Variants in PHF14 observed in about 807,000 individuals in gnomAD.
PHF14 encodes PHD finger protein 14.
In PHF14, 55 loss-of-function variants were observed where a neutral mutation model predicts 117.9. The ratio of observed to expected loss-of-function variants is 0.47; its 90% CI spans 0.38 to 0.58. PHF14 has a LOEUF of 0.58. Ranked by LOEUF, PHF14 falls within the 20% of genes least tolerant of loss-of-function variation. The pLI is 0.00. For missense variants in PHF14, 978 were observed against 1,122.2 expected (o/e 0.87, Z 1.84); for synonymous variants, 409 against 368.6 (o/e 1.11, Z -1.26).
intron 16 of PHF14, among the ~76,000 whole-genome samples, chr7:11,092,658 T>G (rs1029008188): frequency 1.3e-5 from 2 of 152,164 alleles, no homozygotes; most frequent in African/African-American, 4.8e-5. Context: ...TGCCCACATA[T>G]CACTCATCTA....
intron 16 of PHF14, chr7:11,062,739 A>G: frequency 3.0e-6 from 3 of 985,288 alleles, no homozygotes; most frequent in Non-Finnish European, 3.6e-6. Flanking sequence ...AGAGGCTGCT[A>G]ATTTTAGCGG....
intron 13 of PHF14, among the ~76,000 whole-genome samples, chr7:11,045,866 C>T (rs188157996): frequency 3.7e-4 from 56 of 152,274 alleles, no homozygotes; most frequent in Non-Finnish European, 5.9e-4. Context: ...TAACAACTTA[C>T]TGTGGAAAAA....
At chr7:11,125,213 A>G (rs564660394) in intron 17 of PHF14, among the ~76,000 whole-genome samples, 23 of 152,078 alleles carry the variant, frequency 1.5e-4, no homozygotes, top group Non-Finnish European at 2.9e-4. Context: ...ATTTTACCTC[A>G]GTCAAATCTT....
At chr7:11,168,879 G>A (rs556551730) in intron 17 of PHF14, among the ~76,000 whole-genome samples, 3 of 152,176 alleles carry the variant, frequency 2.0e-5, no homozygotes, top group African/African-American at 7.2e-5. Flanking sequence ...AACCTGCTAT[G>A]AATTATGAGG....
At chr7:11,163,003 T>C (rs925047859) in intron 17 of PHF14, among the ~76,000 whole-genome samples, 2 of 152,212 alleles carry the variant, frequency 1.3e-5, no homozygotes, top group African/African-American at 4.8e-5. Context: ...ATACATGAAA[T>C]TAGAAATTTG....
chr7:10,982,883 T>G lies in PHF14; in HGVS notation c.624T>G (p.Ser208Arg), dbSNP rs1309842415. 6.2e-7 allele frequency: 1 copy of G among 1,613,292 alleles called. No individual in the cohort carries two copies. Among genetic ancestry groups the G allele is most frequent in the Non-Finnish European group, 8.5e-7 (1 of 1,179,658 alleles). ...EELNDMDDYDSEDDNDWRPTV... is the reference protein window; with the variant it reads ...EELNDMDDYDREDDNDWRPTV... Reference sequence around the variant, plus strand: ...TGAATGACATGGATGACTATGACAGTGAGGATGACAATGATTGGCGACCTA... The same window carrying G: ...TGAATGACATGGATGACTATGACAGGGAGGATGACAATGATTGGCGACCTA... The change falls in exon 3 of 18, where the codon AGT becomes AGG. Residue 208 changes from serine (S) to arginine (R), a missense_variant. Ser to Arg is a moderately radical substitution (Grantham distance 110). Around this residue, in one of 7 missense-constraint regions of PHF14, gnomAD observed 414 missense variants for 376.4 expected, o/e 1.10. Transcript: ENST00000634607.
At chr7:11,010,168 T>C (rs1783294546) in intron 4 of PHF14, among the ~76,000 whole-genome samples, 1 of 152,156 alleles carries the variant, frequency 6.6e-6, no homozygotes. Context: ...TTTTCCCATG[T>C]GGTATTGCAT....
At chr7:11,036,873 TAA>T (rs1255064371) in intron 9 of PHF14, 110 bp from the exon 10 acceptor site, 1 of 950,376 alleles carries the variant, frequency 1.1e-6, no homozygotes, top group African/African-American at 1.7e-5. Flanking sequence ...TAAATATACT[TAA>T]AAGTTTTAAA....
At chr7:11,009,631 A>G (rs1410166661) in intron 4 of PHF14, among the ~76,000 whole-genome samples, 1 of 152,248 alleles carries the variant, frequency 6.6e-6, no homozygotes, top group Non-Finnish European at 1.5e-5. Flanking sequence ...TGGAGCAGAT[A>G]TACAGTGCTA....
At position 11,037,014 on chromosome 7, in the gene PHF14, G is replaced by C; in HGVS notation, c.1903G>C (p.Glu635Gln). ...ERNMRMIQIQ[E>Q]NMAEQKNIKD... ...AAATATGCGCATGATTCAAATTCAGGAAAATATGGCTGAACAAAAGAATAT... is the reference window on the plus strand; with the variant it reads ...AAATATGCGCATGATTCAAATTCAGCAAAATATGGCTGAACAAAAGAATAT... Residue 635 changes from glutamate to glutamine, a missense_variant, in exon 10 of 18, where the codon GAA (glutamate) becomes CAA (glutamine). Glu to Gln is a conservative substitution (Grantham distance 29, BLOSUM62 2). Coordinates refer to ENST00000634607, the MANE Select transcript of PHF14 (RefSeq NM_001007157.2). The C allele has an allele frequency of 6.6e-7, 1 of 1,516,358 alleles. No individual in the cohort carries two copies. Among genetic ancestry groups the C allele is most frequent in the Non-Finnish European group, 9.0e-7 (1 of 1,109,890 alleles). 93.9% of individuals were successfully genotyped at this position (1,516,358 alleles called of 1,614,324 possible).
chr7:11,167,792 G>T (rs1232737893), intron 17 of PHF14, among the ~76,000 whole-genome samples: 1 of 152,162 alleles, frequency 6.6e-6, no homozygotes, highest in East Asian at 1.9e-4. Flanking sequence ...ACTTTGGGAG[G>T]CTGAGGCGGG....
chr7:10,975,418 A>C (rs902753554), intron 2 of PHF14, among the ~76,000 whole-genome samples: 6 of 152,184 alleles, frequency 3.9e-5, no homozygotes, highest in African/African-American at 1.4e-4. Flanking sequence ...TTGCACTTCA[A>C]ATTATAGTAG....
At chr7:11,010,592 T>G (rs541093186) in intron 4 of PHF14, among the ~76,000 whole-genome samples, 2 of 152,166 alleles carry the variant, frequency 1.3e-5, no homozygotes, top group East Asian at 3.9e-4. Context: ...ATTAACTATA[T>G]TTAGCATAAC....
intron 17 of PHF14, among the ~76,000 whole-genome samples, chr7:11,151,690 C>T (rs1355332442): frequency 6.6e-6 from 1 of 152,072 alleles, no homozygotes; most frequent in Non-Finnish European, 1.5e-5. Context: ...TATCAATGTT[C>T]CCAAGACCCC....
rs1320797284 is a variant in PHF14 at position 11,051,746 on chromosome 7, C to T, written c.2447C>T (p.Pro816Leu). 19 of 1,613,338 alleles carry T rather than the reference C, an allele frequency of 1.2e-5. No homozygotes were observed. The highest frequency in any genetic ancestry group is 1.5e-5 in the Non-Finnish European group (18 of 1,179,598). The change falls in exon 14 of 18, where the codon CCA (proline) becomes CTA (leucine). Residue 816 changes from proline to leucine, a missense_variant. Physicochemically the swap from Pro to Leu is moderately conservative, Grantham distance 98 (BLOSUM62 -3). This residue lies in a region of PHF14 where 180 missense variants were observed against 195.4 expected (regional missense o/e 0.92). Transcript: ENST00000634607. ...EPVKFVPQDV[P>L]PEPKKIPIRN... ...GTGAAATTTGTTCCACAGGATGTGCCACCAGAACCCAAGAAGATTCCGATA... is the reference window on the plus strand; with the variant it reads ...GTGAAATTTGTTCCACAGGATGTGCTACCAGAACCCAAGAAGATTCCGATA...
In PHF14 at chr7:11,137,127, A is replaced by G. The variant is rs181790312; in HGVS notation, c.2772+25660A>G. 2.3e-3 allele frequency among the ~76,000 whole-genome samples: 348 copies of G among 152,352 alleles called. 1 individual carries two copies. Among genetic ancestry groups the G allele is most frequent in the African/African-American group, 7.9e-3 (329 of 41,588 alleles). ...AAGAAAATTTTATTCTTAAGATTTA[A>G]TCTCTCAGGTTTTCTTGGGTATCAC... On this transcript the variant is annotated intron_variant, in intron 17 of 17. Coordinates refer to ENST00000634607, the MANE Select transcript of PHF14 (RefSeq NM_001007157.2).
chr7:10,991,732 G>T lies in PHF14; in HGVS notation c.1045+885G>T, dbSNP rs200011297. On this transcript the variant is annotated intron_variant, in intron 4 of 17. Coordinates refer to ENST00000634607, the MANE Select transcript of PHF14 (RefSeq NM_001007157.2). The stretch of plus-strand genomic sequence containing the variant: ...TATTTTATGGTACTGTTTCTTGTTT[G>T]TTTTTTTTTAATTTTTTAATTTTTT... 0.013 allele frequency among the ~76,000 whole-genome samples: 1,817 copies of T among 136,838 alleles called. 109 individuals carry two copies. The East Asian group carries it at 0.16, about 12-fold the overall frequency. 89.8% of individuals were successfully genotyped at this position (136,838 alleles called of 152,430 possible). A position where few individuals can be genotyped will look rare whatever the true frequency, so the allele number is the denominator to read the frequency against.
intron 16 of PHF14, 114 bp downstream of exon 16, chr7:11,062,199 A>G (rs974027530): frequency 3.7e-6 from 3 of 818,102 alleles, no homozygotes; most frequent in Non-Finnish European, 5.5e-6. Context: ...AAAATATTAT[A>G]TAGTGGAAAC....
rs763403117 is a variant in PHF14 at position 11,169,448 on chromosome 7, A to G, written c.2805A>G (p.Ile935Met). 3.3e-6 allele frequency: 5 copies of G among 1,517,166 alleles called. No individual in the cohort carries two copies. Among genetic ancestry groups the G allele is most frequent in the Non-Finnish European group, 3.6e-6 (4 of 1,119,482 alleles). 94.0% of individuals were successfully genotyped at this position (1,517,166 alleles called of 1,614,324 possible). A position where few individuals can be genotyped will look rare whatever the true frequency, so the allele number is the denominator to read the frequency against. Reference sequence around the variant, plus strand: ...AAAATGAAGCTGAAAGAAAAAATATATCTCAGGAGCTCAACATGGAACAGA... The same window carrying G: ...AAAATGAAGCTGAAAGAAAAAATATGTCTCAGGAGCTCAACATGGAACAGA... ...EDENEAERKN[I>M]SQELNMEQKN... The change falls in exon 18 of 18, where the codon ATA becomes ATG. Residue 935 changes from isoleucine to methionine, a missense_variant. Around this residue, in one of 7 missense-constraint regions of PHF14, gnomAD observed 180 missense variants for 195.4 expected, o/e 0.92. Coordinates refer to ENST00000634607, the MANE Select transcript of PHF14 (RefSeq NM_001007157.2).
Sources: allele counts gnomAD v4.1 joint callset (sites outside exome capture counted in the v4.1 genomes callset), GRCh38; gene constraint gnomAD v4.1.1; regional missense constraint gnomAD v4.1.1; transcripts MANE v1.5; gene names NCBI Gene and HGNC (gene_info 2026-07-23, HGNC 2026-07-21).